The following KCNQ1 variants were observed in gnomAD, a reference collection of about 807,000 sequenced individuals.
KCNQ1 encodes potassium voltage-gated channel subfamily KQT member 1.
A neutral mutation model predicts 72.4 loss-of-function variants in KCNQ1; 49 were observed. The observed-to-expected ratio is 0.68, with a 90% CI of 0.54 to 0.86. KCNQ1 has a LOEUF of 0.86. Among genes scored for constraint, KCNQ1 ranks in the 40% least tolerant of loss-of-function variants. The pLI, the probability that KCNQ1 is intolerant of heterozygous loss-of-function variation, is 0.00. For synonymous variants in KCNQ1, 450 were observed against 412.6 expected, an observed-to-expected ratio of 1.09 and a Z score of -1.10; for missense variants, 790 against 945.1, an observed-to-expected ratio of 0.84 and a Z score of 2.15.
intron 11 of KCNQ1, chr11:2,697,114 A>G (rs1216010264): frequency 1.0e-5 from 4 of 398,498 alleles, no homozygotes; most frequent in Admixed American, 8.8e-5. Flanking sequence ...TCACAAAGAT[A>G]AAGAGTTTTC....
intron 15 of KCNQ1, among the ~76,000 whole-genome samples, chr11:2,819,761 C>G (rs553857720): frequency 2.6e-5 from 4 of 152,268 alleles, no homozygotes; most frequent in Admixed American, 1.3e-4. Context: ...GACTGGAAAC[C>G]TTTTAGAGGA....
chr11:2,667,571 G>T (rs970889335), intron 11 of KCNQ1: 1 of 398,240 alleles, frequency 2.5e-6, no homozygotes, highest in Non-Finnish European at 4.4e-6. Flanking sequence ...TGGCAGTTGG[G>T]GCAGGGGGTC....
Position 2,508,668 on chromosome 11 carries a change from G to C in KCNQ1, c.387-19260G>C, listed in dbSNP as rs1392824053. The stretch of plus-strand genomic sequence containing the variant: ...TGGGTGACCCAGATATCCTGTTGTT[G>C]CTCAGAGACCCCCAGGGAATCCTTG... On this transcript the variant is annotated intron_variant, in intron 1 of 15. Transcript: ENST00000155840. This position sits in a 1 kb window ranked among gnomAD's most constrained non-coding sequence, Gnocchi z 6.2. 6.6e-6 allele frequency among the ~76,000 whole-genome samples: 1 copy of C among 152,164 alleles called. No individual in the cohort carries two copies. The highest frequency in any genetic ancestry group is 1.5e-5 in the Non-Finnish European group (1 of 68,016).
At position 2,588,684 on chromosome 11, in the gene KCNQ1, C is replaced by A. The variant is rs1306612264; in HGVS notation, c.1252-29C>A. 1 of 1,612,254 alleles carries A rather than the reference C, an allele frequency of 6.2e-7. No homozygotes were observed. Among genetic ancestry groups the A allele is most frequent in the African/African-American group, 1.3e-5 (1 of 75,014 alleles). On this transcript the variant is annotated intron_variant, in intron 9 of 15. Coordinates refer to ENST00000155840, the MANE Select transcript of KCNQ1 (RefSeq NM_000218.3). This position sits in a 1 kb window ranked among gnomAD's most constrained non-coding sequence, Gnocchi z 5.6. ...GGGCCTGGCAGACGATGTCCAGGAA[C>A]CGCTAATCTGTTGTCTTGTTTTTTT...
rs1849081517 is a variant in KCNQ1 at position 2,617,185 on chromosome 11, A to G, written c.1393+28331A>G. On this transcript the variant is annotated intron_variant, in intron 10 of 15. Transcript: ENST00000155840. This position sits in a 1 kb window ranked among gnomAD's most constrained non-coding sequence, Gnocchi z 4.6. ...AGATCTCTAGACTTGTTCATCCTAT[A>G]TATCTGCTACTTGGTATCCTTTGAC... The G allele has an allele frequency of 5.0e-6, 2 of 398,048 alleles. No individual in the cohort carries two copies. The highest frequency in any genetic ancestry group is 2.1e-5 in the African/African-American group (1 of 48,564). 24.7% of individuals were successfully genotyped at this position (398,048 alleles called of 1,614,324 possible).
chr11:2,842,332 C>T (rs927350911), intron 15 of KCNQ1, among the ~76,000 whole-genome samples: 1 of 152,230 alleles, frequency 6.6e-6, no homozygotes, highest in Non-Finnish European at 1.5e-5. Flanking sequence ...GTCCCAGACT[C>T]AGTGCCATCT....
intron 11 of KCNQ1, chr11:2,696,640 A>G (rs1850681225): frequency 7.5e-6 from 3 of 398,556 alleles, no homozygotes; most frequent in African/African-American, 6.2e-5. Context: ...AACTTAACAG[A>G]TTTGGAAAAT....
chr11:2,791,755 G>A (rs548472406), intron 15 of KCNQ1, among the ~76,000 whole-genome samples: 3 of 150,288 alleles, frequency 2.0e-5, no homozygotes, highest in African/African-American at 7.3e-5. Context: ...GGTCAGAGGT[G>A]GCGCTGGCGG....
rs1271751911 is a variant in KCNQ1, at chr11:2,477,622, G to A, written c.386+32138G>A. Reference sequence around the variant, plus strand: ...TAAAAATGACCACACATGTAGGCTAGGCACAGTAGTTCATGCCTGTAATCC... The same window carrying A: ...TAAAAATGACCACACATGTAGGCTAAGCACAGTAGTTCATGCCTGTAATCC... On this transcript the variant is annotated intron_variant, in intron 1 of 15. Coordinates refer to ENST00000155840, the MANE Select transcript of KCNQ1 (RefSeq NM_000218.3). This position sits in a 1 kb window ranked among gnomAD's most constrained non-coding sequence, Gnocchi z 5.0. Among the ~76,000 whole-genome samples the A allele has an allele frequency of 6.6e-6, 1 of 152,034 alleles. No individual in the cohort carries two copies. Among genetic ancestry groups the A allele is most frequent in the Non-Finnish European group, 1.5e-5 (1 of 68,018 alleles).
At position 2,626,082 on chromosome 11, in the gene KCNQ1, A is replaced by G; in HGVS notation, c.1394-35879A>G. On this transcript the variant is annotated intron_variant, in intron 10 of 15. Coordinates refer to ENST00000155840, the MANE Select transcript of KCNQ1 (RefSeq NM_000218.3). The surrounding 1 kb of genome is among the most constrained non-coding windows in gnomAD (Gnocchi z 4.0). ...TACTTTTATTGCCTGTGCAAGTACAATTTATCTATTTTTACTTTTATTGCC... is the reference window on the plus strand; with the variant it reads ...TACTTTTATTGCCTGTGCAAGTACAGTTTATCTATTTTTACTTTTATTGCC... 1 of 398,562 alleles carries G rather than the reference A, an allele frequency of 2.5e-6. No individual in the cohort carries two copies. Among genetic ancestry groups the G allele is most frequent in the Middle Eastern group, 6.3e-4 (1 of 1,588 alleles). The allele number at this position is 398,562 out of a possible 1,614,324, so 24.7% of individuals were successfully genotyped here. A position where few individuals can be genotyped will look rare whatever the true frequency, so the allele number is the denominator to read the frequency against.
At chr11:2,729,751 T>G (rs1290646289) in intron 11 of KCNQ1, among the ~76,000 whole-genome samples, 1 of 152,090 alleles carries the variant, frequency 6.6e-6, no homozygotes, top group African/African-American at 2.4e-5. Context: ...TGAGTACCTG[T>G]GGATTTGGGT....
chr11:2,715,359 G>A lies in KCNQ1; in HGVS notation c.1514+53278G>A, dbSNP rs1851075589. 6.6e-6 allele frequency among the ~76,000 whole-genome samples: 1 copy of A among 152,100 alleles called. No homozygotes were observed. Among genetic ancestry groups the A allele is most frequent in the South Asian group, 2.1e-4 (1 of 4,830 alleles). ...CTTACCCCGGAGGAGCCAGGAAGGTGGACAGAGCAGGCAGGAGTGGGGCAG... is the reference window on the plus strand; with the variant it reads ...CTTACCCCGGAGGAGCCAGGAAGGTAGACAGAGCAGGCAGGAGTGGGGCAG... On this transcript the variant is annotated intron_variant, in intron 11 of 15. Coordinates refer to ENST00000155840, the MANE Select transcript of KCNQ1 (RefSeq NM_000218.3). The surrounding 1 kb of genome is among the most constrained non-coding windows in gnomAD (Gnocchi z 4.9).
At position 2,677,720 on chromosome 11, in the gene KCNQ1, C is replaced by T. The variant is rs958474177; in HGVS notation, c.1514+15639C>T. The T allele has an allele frequency of 5.0e-6, 2 of 398,392 alleles. No homozygotes were observed. Among genetic ancestry groups the T allele is most frequent in the Non-Finnish European group, 8.8e-6 (2 of 226,032 alleles). The allele number at this position is 398,392 out of a possible 1,614,324, so 24.7% of individuals were successfully genotyped here. On this transcript the variant is annotated intron_variant, in intron 11 of 15. Transcript: ENST00000155840. This position sits in a 1 kb window ranked among gnomAD's most constrained non-coding sequence, Gnocchi z 4.5. ...AAATTAACTTCCCAATCAAATATCT[C>T]TATTGTAAAATTTTGGTCTCCGTTT...
Position 2,600,112 on chromosome 11 carries a change from GTACCTCTA to G in KCNQ1, c.1393+11260_1393+11267del. Among the ~76,000 whole-genome samples the G allele has an allele frequency of 6.6e-6, 1 of 152,156 alleles. No individual in the cohort carries two copies. The highest frequency in any genetic ancestry group is 1.5e-5 in the Non-Finnish European group (1 of 68,026). The stretch of plus-strand genomic sequence containing the variant: ...CCAAGTGGGGCAGAGTTTCTCCACT[GTACCTCTA>G]TTGAAATCTAGTGCCGGATAATTCT... On this transcript the variant is annotated intron_variant, in intron 10 of 15. Transcript: ENST00000155840. This position sits in a 1 kb window ranked among gnomAD's most constrained non-coding sequence, Gnocchi z 5.6.
intron 3 of KCNQ1, among the ~76,000 whole-genome samples, 199 bp downstream of exon 3, chr11:2,570,953 G>A (rs1000180059): frequency 7.2e-5 from 11 of 152,188 alleles, no homozygotes; most frequent in Non-Finnish European, 1.6e-4. Flanking sequence ...CATGGTGTTG[G>A]GGGTAGGGGG....
chr11:2,797,220 G>A (rs762969840), intron 15 of KCNQ1, among the ~76,000 whole-genome samples: 3 of 152,162 alleles, frequency 2.0e-5, no homozygotes, highest in African/African-American at 2.4e-5. Flanking sequence ...GCTGGGCCAC[G>A]GAGAGGCCGG....
intron 11 of KCNQ1, chr11:2,666,139 T>C: frequency 2.5e-6 from 1 of 398,714 alleles, no homozygotes; most frequent in Non-Finnish European, 4.4e-6. Context: ...TCTTCTGTTT[T>C]GGCATCTTAG....
rs199893525 is a variant in KCNQ1, at chr11:2,471,707, T to C, written c.386+26223T>C. On this transcript the variant is annotated intron_variant, in intron 1 of 15. Coordinates refer to ENST00000155840, the MANE Select transcript of KCNQ1 (RefSeq NM_000218.3). This position sits in a 1 kb window ranked among gnomAD's most constrained non-coding sequence, Gnocchi z 4.8. ...GTATGGGTGTGCATGTGTGTATAGG[T>C]GTGTGTATGTGTGCATGGGCGTGTG... Among the ~76,000 whole-genome samples the C allele has an allele frequency of 7.3e-5, 11 of 150,232 alleles. No homozygotes were observed. Among genetic ancestry groups the C allele is most frequent in the Middle Eastern group, 3.4e-3 (1 of 292 alleles).
chr11:2,793,051 G>A (rs924251931), intron 15 of KCNQ1, among the ~76,000 whole-genome samples: 5 of 152,350 alleles, frequency 3.3e-5, no homozygotes, highest in African/African-American at 7.2e-5. Flanking sequence ...GTCCAGCAGG[G>A]TGAACACCCC....
Sources: gnomAD v4.1 joint callset for allele counts (sites outside exome capture counted in the v4.1 genomes callset) on GRCh38, gnomAD v4.1.1 for gene constraint, Gnocchi (gnomAD v3.1) non-coding constraint, MANE v1.5 for transcripts, NCBI Gene and HGNC (gene_info 2026-07-23, HGNC 2026-07-21) for gene names.